The following GNAQ variants were observed in gnomAD, a reference collection of about 807,000 sequenced individuals.
The protein encoded by GNAQ is guanine nucleotide-binding protein G(q) subunit alpha.
Under a neutral mutation model 43.9 loss-of-function variants are expected in GNAQ, and 8 were observed. The ratio of observed to expected loss-of-function variants is 0.18; its 90% CI spans 0.11 to 0.33. GNAQ has a LOEUF of 0.33. Among genes scored for constraint, GNAQ ranks in the 10% least tolerant of loss-of-function variants. The pLI is 1.00. For synonymous variants in GNAQ, 155 were observed against 170.7 expected, an observed-to-expected ratio of 0.91 and a Z score of 0.71; for missense variants, 158 against 450.8, an observed-to-expected ratio of 0.35 and a Z score of 5.88.
At chr9:77,819,002 CAAAAAAAAAAAAAAA>C (rs10547681) in intron 2 of GNAQ, among the ~76,000 whole-genome samples, 12 of 45,288 alleles carry the variant, frequency 2.6e-4, no homozygotes, top group Non-Finnish European at 3.5e-4. Flanking sequence ...ACCATCTCTC[CAAAAAAAAAAAAAAA>C]AAAAAAAAAA....
At chr9:77,794,615 A>G (rs769875049) in intron 4 of GNAQ, 23 bp from the exon 5 acceptor site, 1 of 1,507,796 alleles carries the variant, frequency 6.6e-7, no homozygotes, top group Non-Finnish European at 9.1e-7. Flanking sequence ...CAATACTCAT[A>G]TTAATAACAT....
At chr9:77,967,563 C>T (rs560341655) in intron 1 of GNAQ, among the ~76,000 whole-genome samples, 1 of 152,108 alleles carries the variant, frequency 6.6e-6, no homozygotes, top group Non-Finnish European at 1.5e-5. Context: ...AGGAAGCCAG[C>T]CACAAAATGC....
At chr9:77,888,245 C>A (rs951911907) in intron 2 of GNAQ, among the ~76,000 whole-genome samples, 5 of 151,984 alleles carry the variant, frequency 3.3e-5, no homozygotes, top group African/African-American at 1.2e-4. Flanking sequence ...TATTGGAATC[C>A]ACGATAACTT....
At chr9:77,901,900 CCTCA>C (rs1190304020) in intron 2 of GNAQ, among the ~76,000 whole-genome samples, 2 of 152,170 alleles carry the variant, frequency 1.3e-5, no homozygotes, top group East Asian at 1.9e-4. Flanking sequence ...CTTGCTGTGT[CCTCA>C]CTGAGTAGAA....
At chr9:77,780,572 T>C (rs1336392649) in intron 5 of GNAQ, among the ~76,000 whole-genome samples, 2 of 151,932 alleles carry the variant, frequency 1.3e-5, no homozygotes, top group African/African-American at 4.8e-5. Flanking sequence ...GCAGTCAACA[T>C]GGGGGTGCAG....
chr9:77,748,128 C>G (rs1209913006), intron 5 of GNAQ, among the ~76,000 whole-genome samples: 1 of 152,152 alleles, frequency 6.6e-6, no homozygotes, highest in Non-Finnish European at 1.5e-5. Context: ...TCTCCTCTAT[C>G]TAACATTTTC....
At chr9:77,946,174 G>C (rs1037495283) in intron 1 of GNAQ, among the ~76,000 whole-genome samples, 26 of 152,296 alleles carry the variant, frequency 1.7e-4, no homozygotes, top group Admixed American at 1.6e-3. Flanking sequence ...ACTGCAAGAA[G>C]AGAGAAGCAA....
chr9:77,791,111 G>T (rs1487027288), intron 5 of GNAQ, among the ~76,000 whole-genome samples: 2 of 152,126 alleles, frequency 1.3e-5, no homozygotes, highest in African/African-American at 4.8e-5. Context: ...AATTCCTCAT[G>T]ACCATTTCAA....
intron 2 of GNAQ, among the ~76,000 whole-genome samples, chr9:77,828,087 A>AAAAAAAG: frequency 6.8e-6 from 1 of 146,422 alleles, no homozygotes; most frequent in African/African-American, 2.5e-5. Flanking sequence ...AAAAAAAAAA[A>AAAAAAAG]AAAAAAGAAG....
At chr9:77,759,952 G>A (rs1195275625) in intron 5 of GNAQ, among the ~76,000 whole-genome samples, 4 of 142,898 alleles carry the variant, frequency 2.8e-5, no homozygotes, top group Non-Finnish European at 6.1e-5. Flanking sequence ...TTGAGACAGG[G>A]TTTTGCTATG....
chr9:77,731,562 A>G (rs555516420), intron 5 of GNAQ, among the ~76,000 whole-genome samples: 30 of 152,214 alleles, frequency 2.0e-4, no homozygotes, highest in Non-Finnish European at 3.8e-4. Context: ...ACTTTCAACC[A>G]GGCCTGCCAA....
At chr9:77,990,885 G>T (rs554432407) in intron 1 of GNAQ, among the ~76,000 whole-genome samples, 1 of 152,258 alleles carries the variant, frequency 6.6e-6, no homozygotes, top group South Asian at 2.1e-4. Flanking sequence ...CATGACCTAA[G>T]AATGCTTTCC....
intron 1 of GNAQ, among the ~76,000 whole-genome samples, chr9:78,010,885 T>C (rs925881181): frequency 5.3e-5 from 8 of 152,072 alleles, no homozygotes; most frequent in Admixed American, 3.9e-4. Context: ...GAACATGTAA[T>C]GTCTAATTAG....
intron 5 of GNAQ, among the ~76,000 whole-genome samples, chr9:77,732,015 G>A (rs1170533969): frequency 2.0e-5 from 3 of 152,016 alleles, no homozygotes; most frequent in South Asian, 2.1e-4. Flanking sequence ...ATCAAGCCCC[G>A]GACTAAATCC....
At chr9:77,817,991 T>C (rs1827047746) in intron 2 of GNAQ, among the ~76,000 whole-genome samples, 1 of 151,996 alleles carries the variant, frequency 6.6e-6, no homozygotes, top group African/African-American at 2.4e-5. Flanking sequence ...TACTTTCTTT[T>C]GACTGCAAAA....
At chr9:77,919,861 G>A (rs1462679580) in intron 2 of GNAQ, among the ~76,000 whole-genome samples, 1 of 152,142 alleles carries the variant, frequency 6.6e-6, no homozygotes, top group African/African-American at 2.4e-5. Flanking sequence ...TTGACATGAG[G>A]CCGGGAGAGG....
At chr9:77,818,887 C>T (rs367880716) in intron 2 of GNAQ, among the ~76,000 whole-genome samples, 1 of 151,048 alleles carries the variant, frequency 6.6e-6, no homozygotes, top group African/African-American at 2.4e-5. Flanking sequence ...GTAGTCCCAG[C>T]TACTTGGGAA....
intron 1 of GNAQ, among the ~76,000 whole-genome samples, chr9:78,011,891 A>G (rs1270065687): frequency 2.6e-5 from 4 of 152,228 alleles, no homozygotes; most frequent in African/African-American, 9.6e-5. Flanking sequence ...TATTAAAAAA[A>G]ATTCAATGAT....
At chr9:77,746,406 A>G (rs1033580412) in intron 5 of GNAQ, among the ~76,000 whole-genome samples, 8 of 152,178 alleles carry the variant, frequency 5.3e-5, no homozygotes, top group Admixed American at 3.9e-4. Context: ...ACCAGTCCTG[A>G]TTAGAAAAGA....
Sources: gnomAD v4.1 joint callset for allele counts (sites outside exome capture counted in the v4.1 genomes callset) on GRCh38, gnomAD v4.1.1 for gene constraint, MANE v1.5 for transcripts, NCBI Gene and HGNC (gene_info 2026-07-23, HGNC 2026-07-21) for gene names.